Variants in ESR2 observed in about 807,000 individuals in gnomAD.
ESR2 encodes estrogen receptor beta.
ESR2 carries 36 observed loss-of-function variants against 49.6 expected under a neutral mutation model. The ratio of observed to expected loss-of-function variants is 0.73; its 90% CI spans 0.56 to 0.96. The LOEUF is 0.96. Ranked by LOEUF, ESR2 falls within the 40% of genes least tolerant of loss-of-function variation. ESR2 has a pLI of 0.00. For synonymous variants in ESR2, 320 were observed against 266.1 expected, an observed-to-expected ratio of 1.20 and a Z score of -1.97; for missense variants, 714 against 693.0, an observed-to-expected ratio of 1.03 and a Z score of -0.34.
chr14:64,288,296 A>G (rs1248300694), intron 1 of ESR2, among the ~76,000 whole-genome samples: 3 of 152,178 alleles, frequency 2.0e-5, no homozygotes, highest in Non-Finnish European at 2.9e-5. Flanking sequence ...ATTCATGGAC[A>G]AGAAAAAGTT....
At chr14:64,249,452 A>G in intron 7 of ESR2, 94 bp downstream of exon 7, 1 of 1,397,238 alleles carries the variant, frequency 7.2e-7, no homozygotes, top group Non-Finnish European at 9.8e-7. Context: ...CCTTTCAAAT[A>G]AAATAGAAGT....
chr14:64,242,820 A>G (rs970352645), intron 7 of ESR2, among the ~76,000 whole-genome samples: 1 of 139,506 alleles, frequency 7.2e-6, no homozygotes, highest in Non-Finnish European at 1.5e-5. Flanking sequence ...GCTGATAGAC[A>G]TACCCAAGAC....
chr14:64,283,224 A>T, intron 1 of ESR2, 149 bp from the exon 2 acceptor site: 1 of 351,970 alleles, frequency 2.8e-6, no homozygotes, highest in South Asian at 6.9e-5. Flanking sequence ...ACCTCAGAGG[A>T]GTGGGAATGT....
At chr14:64,304,015 A>C (rs1224393004) in intron 1 of ESR2, among the ~76,000 whole-genome samples, 1 of 152,240 alleles carries the variant, frequency 6.6e-6, no homozygotes, top group Non-Finnish European at 1.5e-5. Flanking sequence ...AAATACTGTT[A>C]ATATTAGTTG....
Position 64,232,909 on chromosome 14 carries a change from G to A in ESR2, c.*228C>T, listed in dbSNP as rs1378276208. 8 of 758,982 alleles carry A rather than the reference G, an allele frequency of 1.1e-5. No homozygotes were observed. The highest frequency in any genetic ancestry group is 1.5e-5 in the Non-Finnish European group (8 of 521,062). The allele number at this position is 758,982 out of a possible 1,614,324, so 47.0% of individuals were successfully genotyped here. A position where few individuals can be genotyped will look rare whatever the true frequency, so the allele number is the denominator to read the frequency against. ...CTGAGATCCTATGAGGCCATTGAGT[G>A]TGGAAACGCTGCATTCAAATGTGCC... On this transcript the variant is annotated 3_prime_UTR_variant, in exon 9 of 9. Transcript: ENST00000341099.
chr14:64,260,159 A>C, intron 5 of ESR2: 2 of 648,400 alleles, frequency 3.1e-6, no homozygotes, highest in Non-Finnish European at 5.8e-6. Flanking sequence ...AAAAGAAGGC[A>C]GTCAAGAATA....
chr14:64,251,321 A>C (rs2075984551), intron 6 of ESR2, among the ~76,000 whole-genome samples: 2 of 150,854 alleles, frequency 1.3e-5, no homozygotes, highest in African/African-American at 4.8e-5. Context: ...AAAAAAAAAA[A>C]ACAAAAAAAC....
chr14:64,307,988 AT>A (rs1335010127), intron 1 of ESR2, among the ~76,000 whole-genome samples: 1 of 151,024 alleles, frequency 6.6e-6, no homozygotes, highest in Non-Finnish European at 1.5e-5. Flanking sequence ...TCTTTTTCTA[AT>A]TTCGTTTTTT....
intron 3 of ESR2, among the ~76,000 whole-genome samples, chr14:64,270,997 A>T (rs150552497): frequency 6.6e-6 from 1 of 152,340 alleles, no homozygotes; most frequent in Non-Finnish European, 1.5e-5. Context: ...AAGCTTTCTA[A>T]GGCTCCTTTT....
At chr14:64,301,897 G>A (rs569292457) in intron 1 of ESR2, among the ~76,000 whole-genome samples, 2 of 152,094 alleles carry the variant, frequency 1.3e-5, no homozygotes, top group South Asian at 4.1e-4. Flanking sequence ...CAGGTGTACA[G>A]AAGCCTTGGC....
chr14:64,290,444 C>G (rs2076853510), intron 1 of ESR2, among the ~76,000 whole-genome samples: 1 of 151,468 alleles, frequency 6.6e-6, no homozygotes, highest in Admixed American at 6.6e-5. Flanking sequence ...GCTTTGTTGC[C>G]CAGGCTGGAA....
intron 1 of ESR2, among the ~76,000 whole-genome samples, chr14:64,283,673 A>G (rs2076727225): frequency 7.0e-6 from 1 of 141,952 alleles, no homozygotes; most frequent in African/African-American, 2.6e-5. Context: ...GCTCAAGCCC[A>G]GGAGGCAGAG....
upstream of ESR2, among the ~76,000 whole-genome samples, chr14:64,295,307 C>T (rs1003454903): frequency 3.9e-5 from 6 of 152,076 alleles, no homozygotes; most frequent in Admixed American, 6.5e-5. Context: ...TAGAGGAAGA[C>T]GAGGGGGGGC....
intron 7 of ESR2, among the ~76,000 whole-genome samples, chr14:64,240,940 C>A (rs750063568): frequency 5.3e-5 from 8 of 151,558 alleles, no homozygotes; most frequent in Non-Finnish European, 1.2e-4. Context: ...ATCAGGAGAT[C>A]GAGACCATCC....
rs138155334 is a variant in ESR2, at chr14:64,272,477, C to G, written c.536-3566G>C. Among the ~76,000 whole-genome samples the G allele has an allele frequency of 4.2e-3, 647 of 152,272 alleles. 7 individuals carry two copies. The highest frequency in any genetic ancestry group is 0.015 in the African/African-American group (614 of 41,564). ...TTACTCAAGAAATATTTGCCCCACC[C>G]AATGTCCTGGAGAGTTTCCCCGTGT... is the stretch of plus-strand genomic sequence containing the variant. On this transcript the variant is annotated intron_variant, in intron 3 of 8. Transcript: ENST00000341099.
At chr14:64,289,464 A>AT (rs1357845694) in intron 1 of ESR2, among the ~76,000 whole-genome samples, 1 of 152,044 alleles carries the variant, frequency 6.6e-6, no homozygotes, top group East Asian at 1.9e-4. Context: ...GTGAGCTGAG[A>AT]TTGTGCCATT....
At chr14:64,243,129 C>A (rs1432212222) in intron 7 of ESR2, among the ~76,000 whole-genome samples, 2 of 152,194 alleles carry the variant, frequency 1.3e-5, no homozygotes, top group African/African-American at 4.8e-5. Flanking sequence ...GGACACAGAG[C>A]CAAACCATAT....
At chr14:64,334,536 C>A (rs935653101) in intron 1 of ESR2, among the ~76,000 whole-genome samples, 1 of 152,202 alleles carries the variant, frequency 6.6e-6, no homozygotes, top group Non-Finnish European at 1.5e-5. Flanking sequence ...TATTGACATA[C>A]CTCCACATTG....
chr14:64,322,886 TC>T (rs1312783565), intron 1 of ESR2, among the ~76,000 whole-genome samples: 10 of 152,204 alleles, frequency 6.6e-5, no homozygotes, highest in Admixed American at 1.3e-4. Context: ...AATTATATCA[TC>T]CCTCAAAAGA....
Sources: gnomAD v4.1 joint callset for allele counts (sites outside exome capture counted in the v4.1 genomes callset) on GRCh38, gnomAD v4.1.1 for gene constraint, MANE v1.5 for transcripts, NCBI Gene and HGNC (gene_info 2026-07-23, HGNC 2026-07-21) for gene names.